Variants in TINAG observed in about 807,000 individuals in gnomAD.
TINAG encodes the protein tubulointerstitial nephritis antigen.
A neutral mutation model predicts 72.7 loss-of-function variants in TINAG; 83 were observed. The observed-to-expected ratio is 1.14, with a 90% CI of 0.96 to 1.37. The LOEUF is 1.37. Among genes scored for constraint, TINAG ranks in the 40% most tolerant of loss-of-function variants. The probability of loss-of-function intolerance (pLI) is 0.00; values close to 1 mark genes in which losing one functional copy is unlikely to be tolerated. For missense variants in TINAG, 685 were observed against 576.6 expected, an observed-to-expected ratio of 1.19 and a Z score of -1.93; for synonymous variants, 234 against 189.9, an observed-to-expected ratio of 1.23 and a Z score of -1.91.
At chr6:54,340,970 G>T (rs897375077) in intron 4 of TINAG, among the ~76,000 whole-genome samples, 1 of 152,020 alleles carries the variant, frequency 6.6e-6, no homozygotes, top group Non-Finnish European at 1.5e-5. Context: ...TCTCCCATAT[G>T]CAAAGTACTC....
chr6:54,343,355 A>G lies in TINAG; in HGVS notation c.748+6A>G, dbSNP rs113893498. ...CTGGGCATTTTCCACTGCAAGTAAT[A>G]AAGTCATTTTAATTCCTTCCTTATA... On this transcript the variant is annotated splice_donor_region_variant and intron_variant, in intron 5 of 10. Transcript: ENST00000259782. 63 of 1,519,978 alleles carry G rather than the reference A, an allele frequency of 4.1e-5. 1 individual carries two copies. The African/African-American group carries it at 4.9e-4, about 12-fold the overall frequency. 94.2% of individuals were successfully genotyped at this position (1,519,978 alleles called of 1,614,324 possible). A position where few individuals can be genotyped will look rare whatever the true frequency, so the allele number is the denominator to read the frequency against.
At chr6:54,368,488 C>T (rs1763505669) in intron 9 of TINAG, among the ~76,000 whole-genome samples, 1 of 150,470 alleles carries the variant, frequency 6.6e-6, no homozygotes, top group Non-Finnish European at 1.5e-5. Context: ...AAACTCTGAA[C>T]TAAAAGCTTC....
intron 3 of TINAG, among the ~76,000 whole-genome samples, chr6:54,324,269 T>C (rs1784556245): frequency 6.6e-6 from 1 of 152,202 alleles, no homozygotes; most frequent in East Asian, 1.9e-4. Context: ...GAATTACTCC[T>C]GTGTCAACAG....
rs1562166355 is a variant in TINAG, at chr6:54,349,688, CCTTTGCTT to C, written c.900-19_900-12del. 1.3e-6 allele frequency: 2 copies of C among 1,510,566 alleles called. No homozygotes were observed. The highest frequency in any genetic ancestry group is 1.8e-6 in the Non-Finnish European group (2 of 1,116,904). The allele number at this position is 1,510,566 out of a possible 1,614,324, so 93.6% of individuals were successfully genotyped here. On this transcript the variant is annotated intron_variant, in intron 6 of 10. Transcript: ENST00000259782. ...TATTACGACATTCTCCTAAATATTA[CCTTTGCTT>C]CTTTGCTTATTCCTCATAGACTGGT...
chr6:54,308,010 C>T (rs983485623), upstream of TINAG: 20 of 1,544,918 alleles, frequency 1.3e-5, no homozygotes, highest in Admixed American at 2.0e-5. Context: ...CAGTGTGTGA[C>T]TGGGCATGAT....
chr6:54,344,535 C>T (rs1426793452), intron 5 of TINAG, among the ~76,000 whole-genome samples: 1 of 151,946 alleles, frequency 6.6e-6, no homozygotes, highest in Non-Finnish European at 1.5e-5. Flanking sequence ...TATAATAAAC[C>T]GTTTGCCATT....
At chr6:54,331,630 A>G (rs1300071865) in intron 4 of TINAG, among the ~76,000 whole-genome samples, 1 of 152,220 alleles carries the variant, frequency 6.6e-6, no homozygotes, top group Non-Finnish European at 1.5e-5. Flanking sequence ...AAGAGAACGA[A>G]ATAAAGTGTA....
intron 2 of TINAG, 153 bp downstream of exon 2, chr6:54,320,795 CA>C (rs1784473433): frequency 1.8e-6 from 1 of 563,172 alleles, no homozygotes; most frequent in African/African-American, 1.9e-5. Flanking sequence ...TTTGTATAAG[CA>C]TATTTAATTT....
At chr6:54,381,142 A>G (rs1483098864) in intron 10 of TINAG, among the ~76,000 whole-genome samples, 1 of 149,550 alleles carries the variant, frequency 6.7e-6, no homozygotes, top group Non-Finnish European at 1.5e-5. Context: ...ATACACACAT[A>G]TGTGTATATA....
intron 4 of TINAG, among the ~76,000 whole-genome samples, chr6:54,338,025 A>G (rs991422656): frequency 1.3e-5 from 2 of 152,210 alleles, no homozygotes; most frequent in African/African-American, 2.4e-5. Context: ...TCTTTTTACT[A>G]CTTCTGTCTC....
Position 54,354,560 on chromosome 6 carries a change from T to G in TINAG, c.1174T>G (p.Tyr392Asp). 3 of 1,610,364 alleles carry G rather than the reference T, an allele frequency of 1.9e-6. No individual in the cohort carries two copies. The highest frequency in any genetic ancestry group is 2.5e-6 in the Non-Finnish European group (3 of 1,177,786). ...EDFFHYKTGI[Y>D]RHVTSTNKES... Reference sequence around the variant, plus strand: ...TTTCTTCCATTATAAGACAGGGATATACAGACATGTTACCAGCACAAATAA... The same window carrying G: ...TTTCTTCCATTATAAGACAGGGATAGACAGACATGTTACCAGCACAAATAA... The change falls in exon 9 of 11, where the codon TAC becomes GAC. Residue 392 changes from tyrosine to aspartate, a missense_variant. By Grantham distance (160) the Tyr-to-Asp change is radical. Transcript: ENST00000259782.
intron 4 of TINAG, 41 bp downstream of exon 4, chr6:54,326,957 A>G (rs771810974): frequency 3.7e-6 from 6 of 1,611,832 alleles, no homozygotes; most frequent in Non-Finnish European, 8.5e-7. Flanking sequence ...ATGTATTTGT[A>G]AAAGTGTGTT....
Position 54,354,567 on chromosome 6 carries a change from A to G in TINAG, c.1181A>G (p.His394Arg), listed in dbSNP as rs1285128270. The change falls in exon 9 of 11, where the codon CAT becomes CGT. Residue 394 changes from histidine (H) to arginine (R), a missense_variant. Transcript: ENST00000259782. ...CATTATAAGACAGGGATATACAGAC[A>G]TGTTACCAGCACAAATAAAGAATCA... ...FFHYKTGIYR[H>R]VTSTNKESEK... 1.2e-6 allele frequency: 2 copies of G among 1,610,806 alleles called. No individual in the cohort carries two copies. The highest frequency in any genetic ancestry group is 1.7e-6 in the Non-Finnish European group (2 of 1,178,032).
rs187957235 is a variant in TINAG, at chr6:54,368,605, T to C, written c.1251-11921T>C. Among the ~76,000 whole-genome samples, 292 of 151,562 alleles carry C rather than the reference T, an allele frequency of 1.9e-3. 1 individual carries two copies. Among genetic ancestry groups the C allele is most frequent in the African/African-American group, 6.8e-3 (282 of 41,510 alleles). The stretch of plus-strand genomic sequence containing the variant: ...TAGGGTTTGATTCTAGGGTGTCTTG[T>C]TCAACATGCTCACTTTTATAATTCA... On this transcript the variant is annotated intron_variant, in intron 9 of 10. Transcript: ENST00000259782.
chr6:54,309,667 T>C (rs755094525), intron 1 of TINAG, among the ~76,000 whole-genome samples: 2 of 152,132 alleles, frequency 1.3e-5, no homozygotes, highest in African/African-American at 2.4e-5. Context: ...CTGTCTCTCA[T>C]TGTATTAAAT....
intron 1 of TINAG, 91 bp downstream of exon 1, chr6:54,308,996 T>G: frequency 2.7e-6 from 3 of 1,108,972 alleles, no homozygotes; most frequent in Non-Finnish European, 3.8e-6. Flanking sequence ...CTTTTTTTCC[T>G]TCTTTCAATG....
At chr6:54,389,379 TTATGTTGGTC>T in intron 10 of TINAG, among the ~76,000 whole-genome samples, 1 of 152,196 alleles carries the variant, frequency 6.6e-6, no homozygotes, top group East Asian at 1.9e-4. Flanking sequence ...AGCACTTGCC[TTATGTTGGTC>T]ATTCTTCATT....
intron 4 of TINAG, among the ~76,000 whole-genome samples, chr6:54,337,297 C>T (rs1224471703): frequency 2.2e-5 from 3 of 139,404 alleles, no homozygotes; most frequent in Non-Finnish European, 3.0e-5. Context: ...CTGTTGCCCA[C>T]ACTGGAGTGC....
chr6:54,325,380 G>A lies in TINAG; in HGVS notation c.510-1422G>A, dbSNP rs559470101. ...AAGAAAGTTCAATAAATGCTAAATT[G>A]GATTAAAATGAAACTTATGAGTCCA... On this transcript the variant is annotated intron_variant, in intron 3 of 10. Coordinates refer to ENST00000259782, the MANE Select transcript of TINAG (RefSeq NM_014464.4). Among the ~76,000 whole-genome samples the A allele has an allele frequency of 6.6e-5, 10 of 152,182 alleles. No individual in the cohort carries two copies. The South Asian group carries it at 1.5e-3, about 22-fold the overall frequency.
Sources: gnomAD v4.1 joint callset for allele counts (sites outside exome capture counted in the v4.1 genomes callset) on GRCh38, gnomAD v4.1.1 for gene constraint, MANE v1.5 for transcripts, NCBI Gene and HGNC (gene_info 2026-07-23, HGNC 2026-07-21) for gene names.